LINGO2: variants seen among roughly 807,000 people sequenced by gnomAD.
LINGO2 encodes leucine-rich repeat and immunoglobulin-like domain-containing nogo receptor-interacting protein 2.
A neutral mutation model predicts 30.6 loss-of-function variants in LINGO2; 14 were observed. The observed-to-expected ratio is 0.46, with a 90% CI of 0.30 to 0.72. The LOEUF is 0.72. Ranked by LOEUF, LINGO2 falls within the 30% of genes least tolerant of loss-of-function variation. LINGO2 has a pLI of 0.07. For missense variants in LINGO2, 729 were observed against 751.7 expected, an observed-to-expected ratio of 0.97 and a Z score of 0.35; for synonymous variants, 317 against 288.5, an observed-to-expected ratio of 1.10 and a Z score of -1.00.
the LINGO2 span, among the ~76,000 whole-genome samples, chr9:28,723,816 A>G: frequency 1.3e-5 from 2 of 152,164 alleles, no homozygotes; most frequent in Non-Finnish European, 2.9e-5. Flanking sequence ...GGTCATAAAA[A>G]GAAAAGAATC....
chr9:29,062,288 A>G, the LINGO2 span, among the ~76,000 whole-genome samples: 1 of 152,088 alleles, frequency 6.6e-6, no homozygotes, highest in Non-Finnish European at 1.5e-5. Context: ...CAGTTCCTCA[A>G]AAAAATTAAA....
At chr9:28,441,154 C>T (rs1290712633) in intron 2 of LINGO2, among the ~76,000 whole-genome samples, 1 of 149,518 alleles carries the variant, frequency 6.7e-6, no homozygotes, top group East Asian at 2.0e-4. Flanking sequence ...GTTGCTGAGG[C>T]ACCTTGATAT....
intron 4 of LINGO2, among the ~76,000 whole-genome samples, chr9:28,064,304 A>G (rs1017430000): frequency 1.3e-5 from 2 of 152,112 alleles, no homozygotes; most frequent in Non-Finnish European, 2.9e-5. Flanking sequence ...TACCCATTCA[A>G]CCTGGGGCAG....
the LINGO2 span, among the ~76,000 whole-genome samples, chr9:29,012,002 C>T: frequency 1.3e-5 from 2 of 152,086 alleles, no homozygotes; most frequent in East Asian, 1.9e-4. Flanking sequence ...TTTATCAGTG[C>T]TATGTTTCAG....
the LINGO2 span, among the ~76,000 whole-genome samples, chr9:28,701,445 G>C: frequency 6.6e-6 from 1 of 151,876 alleles, no homozygotes; most frequent in South Asian, 2.1e-4. Flanking sequence ...TTGCGCCTTA[G>C]TAAAAGATCA....
chr9:28,935,755 T>A, the LINGO2 span, among the ~76,000 whole-genome samples: 3 of 152,046 alleles, frequency 2.0e-5, no homozygotes, highest in African/African-American at 7.2e-5. Context: ...CATTTCTCAC[T>A]GTTGAGCTAA....
intron 3 of LINGO2, among the ~76,000 whole-genome samples, chr9:28,340,550 G>A (rs1825734393): frequency 2.6e-5 from 4 of 151,878 alleles, no homozygotes. Flanking sequence ...GAGAGGTAAG[G>A]GGAATCTATT....
At chr9:27,938,834 A>C in the LINGO2 span, 6 of 152,166 alleles carry the variant, frequency 3.9e-5, no homozygotes, top group African/African-American at 1.4e-4. Flanking sequence ...TGCATAATTA[A>C]ATGAGTAAAT....
At chr9:28,006,665 G>C (rs1022697400) in intron 5 of LINGO2, among the ~76,000 whole-genome samples, 8 of 151,990 alleles carry the variant, frequency 5.3e-5, no homozygotes, top group African/African-American at 1.9e-4. Context: ...GCCCCAGTAG[G>C]ACTACAATAA....
intron 4 of LINGO2, among the ~76,000 whole-genome samples, chr9:28,018,102 T>C (rs895603523): frequency 1.3e-5 from 2 of 152,044 alleles, no homozygotes; most frequent in African/African-American, 4.8e-5. Context: ...AAGCAAGCAA[T>C]GGGGAAAGGG....
chr9:28,955,897 C>G, the LINGO2 span, among the ~76,000 whole-genome samples: 1 of 152,070 alleles, frequency 6.6e-6, no homozygotes, highest in African/African-American at 2.4e-5. Flanking sequence ...CCCACCTTGG[C>G]ACTGGGATTA....
At chr9:28,512,232 G>A (rs995104942) in intron 1 of LINGO2, among the ~76,000 whole-genome samples, 1 of 152,062 alleles carries the variant, frequency 6.6e-6, no homozygotes, top group African/African-American at 2.4e-5. Flanking sequence ...GCTGCATGGT[G>A]ACTTGATGTC....
chr9:29,119,328 T>C, the LINGO2 span, among the ~76,000 whole-genome samples: 1 of 151,530 alleles, frequency 6.6e-6, no homozygotes, highest in Non-Finnish European at 1.5e-5. Context: ...TATAAGGGAC[T>C]CAGCTCAACA....
intron 4 of LINGO2, among the ~76,000 whole-genome samples, chr9:28,293,310 A>T (rs10968450): frequency 0.072 from 10,958 of 151,996 alleles, 717 homozygotes; most frequent in East Asian, 0.38. Flanking sequence ...GTTGTCCAGG[A>T]TGATCTCAAA....
chr9:27,996,723 T>C (rs1042913157), intron 5 of LINGO2, among the ~76,000 whole-genome samples: 1 of 152,184 alleles, frequency 6.6e-6, no homozygotes, highest in Non-Finnish European at 1.5e-5. Context: ...CTAACAGTAA[T>C]GTATTGTATA....
chr9:28,805,665 G>T, the LINGO2 span, among the ~76,000 whole-genome samples: 3 of 152,128 alleles, frequency 2.0e-5, no homozygotes. Flanking sequence ...AAGATAAAGA[G>T]ATGACTCTGA....
chr9:28,616,680 C>T (rs149789520), intron 1 of LINGO2, among the ~76,000 whole-genome samples: 1 of 152,172 alleles, frequency 6.6e-6, no homozygotes, highest in Non-Finnish European at 1.5e-5. Context: ...GAAAAAAATG[C>T]ACTGTTTTTA....
At chr9:28,692,671 C>G in the LINGO2 span, among the ~76,000 whole-genome samples, 1 of 152,172 alleles carries the variant, frequency 6.6e-6, no homozygotes, top group South Asian at 2.1e-4. Context: ...CATACAAGGA[C>G]TACATCAAAT....
At chr9:27,959,428 C>T (rs1170160022) in intron 5 of LINGO2, among the ~76,000 whole-genome samples, 1 of 152,156 alleles carries the variant, frequency 6.6e-6, no homozygotes, top group East Asian at 1.9e-4. Flanking sequence ...GCTTTAGCTA[C>T]ATATCACAAA....
Sources: allele counts gnomAD v4.1 joint callset (sites outside exome capture counted in the v4.1 genomes callset), GRCh38; gene constraint gnomAD v4.1.1; transcripts MANE v1.5; gene names NCBI Gene and HGNC (gene_info 2026-07-23, HGNC 2026-07-21).